The following SCP2 variants were observed in gnomAD, a reference collection of about 807,000 sequenced individuals.
SCP2 encodes the protein sterol carrier protein 2, also known as SCP-2/3-oxoacyl-CoA thiolase.
In SCP2, 48 loss-of-function variants were observed where a neutral mutation model predicts 71.4. That is an observed-to-expected ratio of 0.67 (90% CI 0.53 to 0.86). SCP2 has a LOEUF of 0.86. Ranked by LOEUF, SCP2 falls within the 40% of genes least tolerant of loss-of-function variation. The probability of loss-of-function intolerance (pLI) is 0.00; values close to 1 mark genes in which losing one functional copy is unlikely to be tolerated. For synonymous variants in SCP2, 220 were observed against 218.1 expected, an observed-to-expected ratio of 1.01 and a Z score of -0.08; for missense variants, 560 against 655.6, an observed-to-expected ratio of 0.85 and a Z score of 1.59.
chr1:52,958,136 T>C (rs1188700456), intron 5 of SCP2, among the ~76,000 whole-genome samples: 2 of 151,818 alleles, frequency 1.3e-5, no homozygotes, highest in Non-Finnish European at 2.9e-5. Flanking sequence ...TTTGTCTGAA[T>C]TTTTTTTTGT....
chr1:52,934,547 GA>G (rs1445271384), intron 1 of SCP2, among the ~76,000 whole-genome samples: 3 of 120,536 alleles, frequency 2.5e-5, no homozygotes, highest in Non-Finnish European at 4.9e-5. Context: ...AACAGAGTAT[GA>G]AAAATTCATT....
intron 11 of SCP2, among the ~76,000 whole-genome samples, chr1:52,993,048 A>G (rs1427319107): frequency 6.6e-6 from 1 of 152,212 alleles, no homozygotes; most frequent in Admixed American, 6.5e-5. Flanking sequence ...TATTAGCTTC[A>G]CAGAAAGGAC....
chr1:53,020,386 A>G (rs900330056), intron 12 of SCP2, among the ~76,000 whole-genome samples: 4 of 152,236 alleles, frequency 2.6e-5, no homozygotes, highest in Non-Finnish European at 4.4e-5. Context: ...TTTATTTCCC[A>G]GTGCATTTTC....
At chr1:53,048,196 A>T (rs1663959333) in intron 15 of SCP2, 1 of 422,422 alleles carries the variant, frequency 2.4e-6, no homozygotes, top group African/African-American at 2.0e-5. Context: ...CAGAGATCCA[A>T]GGTGCCACAC....
intron 12 of SCP2, 146 bp downstream of exon 12, chr1:53,015,189 A>G: frequency 1.2e-6 from 1 of 866,160 alleles, no homozygotes; most frequent in Non-Finnish European, 1.9e-6. Context: ...ACATGGCTTT[A>G]AAAGTGGCCA....
chr1:53,013,580 G>A (rs999318631), intron 11 of SCP2, among the ~76,000 whole-genome samples: 2 of 152,070 alleles, frequency 1.3e-5, no homozygotes, highest in African/African-American at 4.8e-5. Flanking sequence ...GGGCAACAGA[G>A]CAAGACTCTG....
intron 11 of SCP2, among the ~76,000 whole-genome samples, chr1:53,014,263 C>A (rs911890880): frequency 6.6e-6 from 1 of 152,090 alleles, no homozygotes; most frequent in Non-Finnish European, 1.5e-5. Flanking sequence ...GAAAGGCAAA[C>A]AAATATACAT....
At position 52,995,108 on chromosome 1, in the gene SCP2, A is replaced by T; in HGVS notation, c.1081+6972A>T. ...GTGCAGGAGGAGTAAGAGAGCTGTG[A>T]CTGCCTGCAGGGCTTGCAGCTGACC... On this transcript the variant is annotated intron_variant, in intron 11 of 15. Transcript: ENST00000371514. 6.0e-6 allele frequency: 3 copies of T among 499,270 alleles called. No individual in the cohort carries two copies. In the East Asian group the frequency reaches 1.6e-4, roughly 26 times the overall value. 30.9% of individuals were successfully genotyped at this position (499,270 alleles called of 1,614,324 possible).
chr1:53,026,498 A>G (rs1202030676), intron 12 of SCP2, among the ~76,000 whole-genome samples: 1 of 152,178 alleles, frequency 6.6e-6, no homozygotes. Context: ...GGCATGTAGC[A>G]AGAAGTCATT....
At chr1:52,978,447 T>C (rs1297240743) in intron 9 of SCP2, 80 bp downstream of exon 9, 3 of 1,148,810 alleles carry the variant, frequency 2.6e-6, no homozygotes, top group Non-Finnish European at 3.8e-6. Flanking sequence ...TGCATTATTA[T>C]ATAATAACTT....
intron 1 of SCP2, chr1:52,940,523 C>G (rs1233021158): frequency 6.5e-6 from 1 of 154,372 alleles, no homozygotes; most frequent in Non-Finnish European, 1.5e-5. Flanking sequence ...ACTTTCAGCT[C>G]CATTACTTAT....
At chr1:52,995,359 A>G in intron 11 of SCP2, 1 of 473,218 alleles carries the variant, frequency 2.1e-6, no homozygotes. Context: ...CCGCACTTTG[A>G]AGCTGACCAC....
rs1298777184 is a variant in SCP2, at chr1:53,034,354, A to G, written c.1339-4563A>G. 2.0e-5 allele frequency among the ~76,000 whole-genome samples: 3 copies of G among 151,898 alleles called. No homozygotes were observed. In the East Asian group the frequency reaches 5.8e-4, roughly 29 times the overall value. On this transcript the variant is annotated intron_variant, in intron 13 of 15. Coordinates refer to ENST00000371514, the MANE Select transcript of SCP2 (RefSeq NM_002979.5). ...GAAAACGTCATGCTTAAGTGAAAGAAGCAGTCACAAATATATGATTTCATT... is the reference window on the plus strand; with the variant it reads ...GAAAACGTCATGCTTAAGTGAAAGAGGCAGTCACAAATATATGATTTCATT...
chr1:52,993,011 T>C (rs1367464532), intron 11 of SCP2, among the ~76,000 whole-genome samples: 4 of 152,208 alleles, frequency 2.6e-5, no homozygotes, highest in Non-Finnish European at 5.9e-5. Flanking sequence ...TAGTGTTTCC[T>C]TTAAGTTTGT....
chr1:53,021,317 C>CTTTTT (rs35858975), intron 12 of SCP2, among the ~76,000 whole-genome samples: 1 of 127,346 alleles, frequency 7.9e-6, no homozygotes. Context: ...CCGTCAACCA[C>CTTTTT]TTTTTTTTTT....
intron 1 of SCP2, among the ~76,000 whole-genome samples, chr1:52,932,734 TGA>T (rs1352581177): frequency 1.3e-5 from 2 of 152,168 alleles, no homozygotes; most frequent in African/African-American, 4.8e-5. Flanking sequence ...ATGAAATACA[TGA>T]GTTAGGCAAA....
intron 12 of SCP2, among the ~76,000 whole-genome samples, chr1:53,018,757 A>G (rs746862710): frequency 8.6e-5 from 13 of 151,990 alleles, no homozygotes; most frequent in Non-Finnish European, 1.9e-4. Context: ...AAAAAAAGAA[A>G]AAAGAAAGAC....
intron 12 of SCP2, among the ~76,000 whole-genome samples, chr1:53,021,055 G>C (rs1403488957): frequency 6.6e-6 from 1 of 151,878 alleles, no homozygotes; most frequent in African/African-American, 2.4e-5. Context: ...ATCCAGGCTG[G>C]ATTGCAGTGG....
intron 11 of SCP2, chr1:52,993,924 A>G: frequency 1.4e-6 from 2 of 1,380,216 alleles, no homozygotes; most frequent in Non-Finnish European, 1.9e-6. Context: ...GCCCTATACT[A>G]GCTTTTATCG....
Sources: allele counts gnomAD v4.1 joint callset (sites outside exome capture counted in the v4.1 genomes callset), GRCh38; gene constraint gnomAD v4.1.1; transcripts MANE v1.5; gene names NCBI Gene and HGNC (gene_info 2026-07-23, HGNC 2026-07-21).